The following GSE1 variants were observed in gnomAD, a reference collection of about 807,000 sequenced individuals.
GSE1 encodes the protein genetic suppressor element 1.
Under a neutral mutation model 112.6 loss-of-function variants are expected in GSE1, and 32 were observed. The observed-to-expected ratio is 0.28, with a 90% CI of 0.21 to 0.38. GSE1 has a LOEUF of 0.38. GSE1 is among the 10% of genes least tolerant of loss of function. The probability of loss-of-function intolerance (pLI) is 1.00; values close to 1 mark genes in which losing one functional copy is unlikely to be tolerated. For synonymous variants in GSE1, 1,115 were observed against 735.6 expected, an observed-to-expected ratio of 1.52 and a Z score of -8.35; for missense variants, 2,348 against 1,699.2, an observed-to-expected ratio of 1.38 and a Z score of -6.71.
At chr16:85,611,765 C>T (rs2047998270), upstream of GSE1, among the ~76,000 whole-genome samples, 2 of 151,720 alleles carry the variant, frequency 1.3e-5, no homozygotes, top group Non-Finnish European at 2.9e-5. Flanking sequence ...GCGCGGGCCC[C>T]GAACGCTCTA....
intron 1 of GSE1, among the ~76,000 whole-genome samples, chr16:85,336,538 T>C (rs1201614450): frequency 6.6e-6 from 1 of 151,826 alleles, no homozygotes. Context: ...TGTGAGCCAC[T>C]GAACAGTCTA....
intron 1 of GSE1, among the ~76,000 whole-genome samples, chr16:85,214,717 C>T (rs1272212540): frequency 6.6e-6 from 1 of 152,212 alleles, no homozygotes; most frequent in African/African-American, 2.4e-5. Flanking sequence ...TCACAGACCG[C>T]GTGGGGTGCA....
Position 85,478,903 on chromosome 16 carries a change from CTTTCTTTCTTTCTT to C in GSE1, c.2464+121262_2464+121275del, listed in dbSNP as rs2050567839. Among the ~76,000 whole-genome samples the C allele has an allele frequency of 3.4e-4, 23 of 67,606 alleles. 1 individual carries two copies. Among genetic ancestry groups the C allele is most frequent in the African/African-American group, 1.6e-3 (23 of 14,292 alleles). 44.4% of individuals were successfully genotyped at this position (67,606 alleles called of 152,430 possible). On this transcript the variant is annotated intron_variant, in intron 2 of 2. Transcript: ENST00000637419. ...TCTTTCTTTCTTTCTTTCTTTCTTT[CTTTCTTTCTTTCTT>C]TCTTTCTTTCTCTTTCTTTCTTTCT...
At chr16:85,254,764 G>T (rs1354333113) in intron 1 of GSE1, among the ~76,000 whole-genome samples, 2 of 152,222 alleles carry the variant, frequency 1.3e-5, no homozygotes, top group Non-Finnish European at 2.9e-5. Flanking sequence ...CTGAAGGGAA[G>T]GACGCAGGCA....
At chr16:85,242,925 C>A (rs560341622) in intron 1 of GSE1, among the ~76,000 whole-genome samples, 4 of 152,188 alleles carry the variant, frequency 2.6e-5, no homozygotes. Context: ...GATCCTCCCA[C>A]CCCAGCCTCC....
Position 85,516,457 on chromosome 16 carries a change from C to CAAA in GSE1, c.2465-117436_2465-117434dup, listed in dbSNP as rs71151299. Reference sequence around the variant, plus strand: ...CTGCATAGAGAGACCCCCATCTCTACAAAAAAAAAAAAAAAAAAAAAAATT... The same window carrying CAAA: ...CTGCATAGAGAGACCCCCATCTCTACAAAAAAAAAAAAAAAAAAAAAAAAAATT... On this transcript the variant is annotated intron_variant, in intron 2 of 2. Transcript: ENST00000637419. Among the ~76,000 whole-genome samples the CAAA allele has an allele frequency of 5.3e-3, 363 of 68,124 alleles. 7 individuals are homozygous for CAAA. The highest frequency in any genetic ancestry group is 0.012 in the African/African-American group (228 of 19,470). The allele number at this position is 68,124 out of a possible 152,430, so 44.7% of individuals were successfully genotyped here. A position where few individuals can be genotyped will look rare whatever the true frequency, so the allele number is the denominator to read the frequency against.
intron 1 of GSE1, among the ~76,000 whole-genome samples, chr16:85,325,760 A>ACT: frequency 7.4e-6 from 1 of 135,262 alleles, no homozygotes; most frequent in Non-Finnish European, 1.6e-5. Context: ...CCTTCAGTCA[A>ACT]TTTTTTTTTT....
intron 2 of GSE1, among the ~76,000 whole-genome samples, chr16:85,404,987 G>A (rs1321358902): frequency 8.6e-5 from 2 of 23,136 alleles, no homozygotes; most frequent in Admixed American, 3.7e-4. Flanking sequence ...GTTACACTCA[G>A]GGCCCCCCTG....
rs117948823 is a variant in GSE1, at chr16:85,225,085, C to T, written c.2283+53278C>T. On this transcript the variant is annotated intron_variant, in intron 1 of 2. Coordinates refer to the GSE1 transcript ENST00000637419. ...GGTGGAAGTTGCAGTGAGCCGAGATCGCGCCTCCAGCCTGGGTGACAGAGA... is the reference window on the plus strand; with the variant it reads ...GGTGGAAGTTGCAGTGAGCCGAGATTGCGCCTCCAGCCTGGGTGACAGAGA... Among the ~76,000 whole-genome samples, 1,283 of 151,946 alleles carry T rather than the reference C, an allele frequency of 8.4e-3. 12 individuals are homozygous for T. The highest frequency in any genetic ancestry group is 0.012 in the Non-Finnish European group (813 of 67,970).
At chr16:85,354,293 TC>T (rs1454759853) in intron 1 of GSE1, among the ~76,000 whole-genome samples, 1 of 152,196 alleles carries the variant, frequency 6.6e-6, no homozygotes, top group Non-Finnish European at 1.5e-5. Flanking sequence ...CAAACCCGTA[TC>T]CCTCCAGTTA....
intron 9 of GSE1, 150 bp from the exon 10 acceptor site, chr16:85,662,831 C>T (rs2052541873): frequency 1.6e-6 from 1 of 611,878 alleles, no homozygotes; most frequent in East Asian, 2.8e-5. Context: ...TGTTGGTTTC[C>T]ACCTCGGTTG....
At chr16:85,630,442 C>CA (rs2049446672) in intron 1 of GSE1, among the ~76,000 whole-genome samples, 1 of 152,132 alleles carries the variant, frequency 6.6e-6, no homozygotes, top group African/African-American at 2.4e-5. Flanking sequence ...CTCCTGGGCT[C>CA]AAATAATCCT....
intron 1 of GSE1, among the ~76,000 whole-genome samples, chr16:85,176,616 C>G (rs2074471210): frequency 6.6e-6 from 1 of 152,270 alleles, no homozygotes; most frequent in African/African-American, 2.4e-5. Flanking sequence ...CTTCCCGCTT[C>G]CAGGACTCTG....
At chr16:85,268,159 G>A (rs139598898) in intron 1 of GSE1, among the ~76,000 whole-genome samples, 1 of 152,124 alleles carries the variant, frequency 6.6e-6, no homozygotes, top group African/African-American at 2.4e-5. Context: ...TGCTGCCTTG[G>A]GGGGATTGCT....
chr16:85,337,630 A>T (rs1003113245), intron 1 of GSE1, among the ~76,000 whole-genome samples: 4 of 152,068 alleles, frequency 2.6e-5, no homozygotes, highest in Non-Finnish European at 4.4e-5. Context: ...AAGCAGGGAA[A>T]CCGGGGACCT....
At chr16:85,188,482 G>A (rs2074755339) in intron 1 of GSE1, among the ~76,000 whole-genome samples, 1 of 152,070 alleles carries the variant, frequency 6.6e-6, no homozygotes, top group Non-Finnish European at 1.5e-5. Context: ...TAGTCCAGGT[G>A]AATCAGGAGG....
intron 2 of GSE1, among the ~76,000 whole-genome samples, chr16:85,641,916 G>A (rs1022703317): frequency 1.3e-5 from 2 of 152,200 alleles, no homozygotes; most frequent in African/African-American, 4.8e-5. Flanking sequence ...CCACAAGTCC[G>A]CCCAGGGCTG....
chr16:85,428,157 T>C (rs56210790), intron 2 of GSE1, among the ~76,000 whole-genome samples: 8,753 of 152,222 alleles, frequency 0.058, 467 homozygotes, highest in East Asian at 0.31. Flanking sequence ...TCTTTGAGCC[T>C]CTCCAGATCC....
Position 85,331,659 on chromosome 16 carries a change from A to G in GSE1, c.2284-25804A>G, listed in dbSNP as rs1320440328. Reference sequence around the variant, plus strand: ...TATATGTGTGTATATATATATGTGTATATGTGTGTGTGTGTGTGTGTGTGT... The same window carrying G: ...TATATGTGTGTATATATATATGTGTGTATGTGTGTGTGTGTGTGTGTGTGT... On this transcript the variant is annotated intron_variant, in intron 1 of 2. Transcript: ENST00000637419. 8.8e-4 allele frequency among the ~76,000 whole-genome samples: 42 copies of G among 47,842 alleles called. 2 individuals are homozygous for G. Among genetic ancestry groups the G allele is most frequent in the African/African-American group, 3.4e-3 (41 of 12,154 alleles). The allele number at this position is 47,842 out of a possible 152,430, so 31.4% of individuals were successfully genotyped here.
Sources: allele counts gnomAD v4.1 joint callset (sites outside exome capture counted in the v4.1 genomes callset), GRCh38; gene constraint gnomAD v4.1.1; transcripts MANE v1.5; gene names NCBI Gene and HGNC (gene_info 2026-07-23, HGNC 2026-07-21).